The following TATDN1 variants were observed in gnomAD, a reference collection of about 807,000 sequenced individuals.
The protein encoded by TATDN1 is TatD DNase domain containing 1, also known as deoxyribonuclease TATDN1.
Under a neutral mutation model 46.4 loss-of-function variants are expected in TATDN1, and 40 were observed. That is an observed-to-expected ratio of 0.86 (90% confidence interval 0.67 to 1.12). The LOEUF is 1.12. Among genes scored for constraint, TATDN1 ranks in the 50% most tolerant of loss-of-function variants. The probability of loss-of-function intolerance (pLI) is 0.00; values close to 1 mark genes in which losing one functional copy is unlikely to be tolerated. For synonymous variants in TATDN1, 95 were observed against 105.6 expected, an observed-to-expected ratio of 0.90 and a Z score of 0.62; for missense variants, 326 against 348.4, an observed-to-expected ratio of 0.94 and a Z score of 0.51.
intron 10 of TATDN1, 193 bp from the exon 11 acceptor site, chr8:124,494,152 A>G (rs762937048): frequency 3.0e-5 from 13 of 439,544 alleles, no homozygotes; most frequent in Admixed American, 8.2e-5. Flanking sequence ...ACCTTCTAAG[A>G]CTCACTTCTA....
chr8:124,496,249 AG>A (rs1261266003), intron 9 of TATDN1, among the ~76,000 whole-genome samples: 2 of 152,232 alleles, frequency 1.3e-5, no homozygotes, highest in Non-Finnish European at 2.9e-5. Context: ...AGCAATAAAA[AG>A]TACAGAGATT....
chr8:124,511,009 T>C (rs1818955300), intron 6 of TATDN1, among the ~76,000 whole-genome samples: 1 of 152,186 alleles, frequency 6.6e-6, no homozygotes, highest in Non-Finnish European at 1.5e-5. Flanking sequence ...AAACGACTAT[T>C]ATCTTTAGAG....
At chr8:124,513,829 A>G (rs1023220507) in intron 6 of TATDN1, among the ~76,000 whole-genome samples, 1 of 152,242 alleles carries the variant, frequency 6.6e-6, no homozygotes, top group Non-Finnish European at 1.5e-5. Flanking sequence ...CCAAAACCAG[A>G]CATGAAAGTT....
chr8:124,525,535 G>C (rs1446383015), intron 1 of TATDN1, among the ~76,000 whole-genome samples: 1 of 152,178 alleles, frequency 6.6e-6, no homozygotes, highest in African/African-American at 2.4e-5. Flanking sequence ...CTGAGCCTCA[G>C]TTTTCTCACT....
chr8:124,530,456 T>C lies in TATDN1; in HGVS notation c.23-7454A>G, dbSNP rs548580461. On this transcript the variant is annotated intron_variant, in intron 1 of 11. Transcript: ENST00000276692. ...GCATTGAGACAAGACAGAGGGACAA[T>C]TGCAAAGAGAGGGAAAGGTGACAGT... Among the ~76,000 whole-genome samples, 24 of 152,080 alleles carry C rather than the reference T, an allele frequency of 1.6e-4. No homozygotes were observed. In the South Asian group the frequency reaches 2.1e-3, roughly 13 times the overall value.
intron 6 of TATDN1, among the ~76,000 whole-genome samples, chr8:124,514,509 A>G (rs1184039201): frequency 6.6e-6 from 1 of 152,228 alleles, no homozygotes; most frequent in East Asian, 1.9e-4. Context: ...AGGGACAGAT[A>G]TTCTACCTTA....
chr8:124,495,387 A>C, intron 10 of TATDN1, 85 bp downstream of exon 10: 1 of 990,136 alleles, frequency 1.0e-6, no homozygotes, highest in Non-Finnish European at 1.5e-6. Flanking sequence ...TGTTCACTTA[A>C]AGTTTGAAGT....
chr8:124,523,295 C>T (rs546387670), intron 1 of TATDN1: 2 of 293,592 alleles, frequency 6.8e-6, no homozygotes, highest in South Asian at 4.7e-5. Flanking sequence ...AGAGGAACAC[C>T]CAACCTAGTC....
intron 9 of TATDN1, among the ~76,000 whole-genome samples, chr8:124,499,515 G>A (rs887525972): frequency 1.4e-4 from 22 of 151,974 alleles, no homozygotes; most frequent in African/African-American, 4.3e-4. Flanking sequence ...GCAACTACAC[G>A]ATTCTGAAGT....
At chr8:124,504,920 A>ATT (rs746689630) in intron 8 of TATDN1, among the ~76,000 whole-genome samples, 1 of 128,556 alleles carries the variant, frequency 7.8e-6, no homozygotes, top group African/African-American at 2.9e-5. Context: ...CTAATTTTGT[A>ATT]TTTTTTTTTT....
chr8:124,526,599 A>G (rs1586666048), intron 1 of TATDN1: 1 of 152,270 alleles, frequency 6.6e-6, no homozygotes, highest in African/African-American at 2.4e-5. Context: ...GTCACCCTAT[A>G]TAGATCAGTA....
At chr8:124,538,492 C>T (rs899956746) in intron 1 of TATDN1, 2 of 158,582 alleles carry the variant, frequency 1.3e-5, no homozygotes, top group Admixed American at 1.2e-4. Context: ...TTGTTTTTCT[C>T]CCCATTACTT....
chr8:124,495,126 T>C (rs969006725), intron 10 of TATDN1: 4 of 295,372 alleles, frequency 1.4e-5, no homozygotes, highest in African/African-American at 4.5e-5. Context: ...ATAAAGACAC[T>C]GTGTAAACAA....
At chr8:124,504,747 C>CTT (rs758223628) in intron 8 of TATDN1, 3 of 137,306 alleles carry the variant, frequency 2.2e-5, no homozygotes, top group East Asian at 2.1e-4. Context: ...TTAGAGGATA[C>CTT]TTTTTTTTTT....
At chr8:124,490,042 AT>A (rs1314976325) in intron 11 of TATDN1, 1 of 152,242 alleles carries the variant, frequency 6.6e-6, no homozygotes, top group African/African-American at 2.4e-5. Flanking sequence ...ATCTATTAAC[AT>A]TTAAATTAAG....
At chr8:124,497,429 G>A (rs1286983236) in intron 9 of TATDN1, among the ~76,000 whole-genome samples, 3 of 152,008 alleles carry the variant, frequency 2.0e-5, no homozygotes, top group Non-Finnish European at 4.4e-5. Context: ...GGGACTACAG[G>A]TGCCTGCCAC....
At chr8:124,512,843 A>C (rs1486479830) in intron 6 of TATDN1, among the ~76,000 whole-genome samples, 1 of 152,164 alleles carries the variant, frequency 6.6e-6, no homozygotes, top group Admixed American at 6.6e-5. Context: ...ATGCGAGGGG[A>C]AAAGGAGTGA....
chr8:124,522,297 T>C, intron 2 of TATDN1, 97 bp from the exon 3 acceptor site: 1 of 756,168 alleles, frequency 1.3e-6, no homozygotes. Context: ...AGTTTTATAT[T>C]TGAAATTATA....
chr8:124,523,468 A>T (rs1820227104), intron 1 of TATDN1: 1 of 153,768 alleles, frequency 6.5e-6, no homozygotes, highest in Non-Finnish European at 1.4e-5. Context: ...GTAAAGAGCT[A>T]CAGGCTGTTC....
Sources: gnomAD v4.1 joint callset for allele counts (sites outside exome capture counted in the v4.1 genomes callset) on GRCh38, gnomAD v4.1.1 for gene constraint, MANE v1.5 for transcripts, NCBI Gene and HGNC (gene_info 2026-07-23, HGNC 2026-07-21) for gene names.